Variants in TSNARE1 observed in about 807,000 individuals in gnomAD.
TSNARE1 encodes t-SNARE domain containing 1, also known as t-SNARE domain-containing protein 1.
A neutral mutation model predicts 62.0 loss-of-function variants in TSNARE1; 49 were observed. That is an observed-to-expected ratio of 0.79 (90% confidence interval 0.63 to 1.00). TSNARE1 has a LOEUF of 1.00. TSNARE1 is among the 50% of genes least tolerant of loss of function. TSNARE1 has a pLI of 0.00. For synonymous variants in TSNARE1, 328 were observed against 294.4 expected (o/e 1.11, Z -1.17); for missense variants, 755 against 700.1 (o/e 1.08, Z -0.88).
chr8:142,227,374 A>T (rs1016472715), intron 13 of TSNARE1, among the ~76,000 whole-genome samples: 1 of 94,308 alleles, frequency 1.1e-5, no homozygotes, highest in Non-Finnish European at 2.0e-5. Context: ...GACAGCCAGG[A>T]CCCCCATCCT....
At chr8:142,259,168 G>A (rs367936755) in intron 12 of TSNARE1, among the ~76,000 whole-genome samples, 154 of 152,388 alleles carry the variant, frequency 1.0e-3, no homozygotes, top group African/African-American at 3.6e-3. Context: ...CGTTGTCTGA[G>A]GACGGGGCCG....
intron 12 of TSNARE1, among the ~76,000 whole-genome samples, chr8:142,257,663 G>T (rs1818651267): frequency 6.6e-6 from 1 of 152,082 alleles, no homozygotes; most frequent in Admixed American, 6.5e-5. Context: ...CAACTCCAGG[G>T]GCCTGATAGG....
At chr8:142,379,129 T>C (rs1471333057) in intron 1 of TSNARE1, among the ~76,000 whole-genome samples, 3 of 152,218 alleles carry the variant, frequency 2.0e-5, no homozygotes, top group South Asian at 2.1e-4. Flanking sequence ...AGCTCACACA[T>C]GTCCTCCCAC....
chr8:142,332,041 G>C (rs987658866), intron 4 of TSNARE1, among the ~76,000 whole-genome samples: 1 of 152,234 alleles, frequency 6.6e-6, no homozygotes, highest in Non-Finnish European at 1.5e-5. Context: ...AAGCTGGAAG[G>C]AAGGAGAGAC....
intron 4 of TSNARE1, among the ~76,000 whole-genome samples, chr8:142,334,572 C>CTA (rs1479558071): frequency 6.6e-6 from 1 of 152,086 alleles, no homozygotes; most frequent in African/African-American, 2.4e-5. Flanking sequence ...TTTTATGAAA[C>CTA]TATAAACTCG....
intron 3 of TSNARE1, among the ~76,000 whole-genome samples, chr8:142,345,522 C>G (rs1182230988): frequency 6.6e-6 from 1 of 152,222 alleles, no homozygotes; most frequent in Non-Finnish European, 1.5e-5. Context: ...TTGGCCAGCT[C>G]TGGCCACCAC....
intron 12 of TSNARE1, among the ~76,000 whole-genome samples, chr8:142,254,383 G>A (rs924775451): frequency 5.9e-5 from 9 of 152,162 alleles, no homozygotes. Context: ...CCAGCTCAGA[G>A]GAAGGACCCA....
chr8:142,313,090 CTCT>C (rs1280838765), intron 9 of TSNARE1, among the ~76,000 whole-genome samples: 1 of 150,998 alleles, frequency 6.6e-6, no homozygotes. Context: ...TTATCTGCAT[CTCT>C]TCATGTCTGC....
At chr8:142,307,007 A>G (rs1308359770) in intron 9 of TSNARE1, among the ~76,000 whole-genome samples, 3 of 152,108 alleles carry the variant, frequency 2.0e-5, no homozygotes, top group Admixed American at 2.0e-4. Flanking sequence ...AACTTCTAAC[A>G]CTGTCCACCA....
chr8:142,280,212 G>A (rs1259000246), intron 11 of TSNARE1: 11 of 985,302 alleles, frequency 1.1e-5, no homozygotes, highest in South Asian at 9.4e-5. Context: ...TGGTGCGGGA[G>A]TGGGGGCCCG....
chr8:142,388,992 A>T (rs1257723686), intron 1 of TSNARE1, among the ~76,000 whole-genome samples: 1 of 152,232 alleles, frequency 6.6e-6, no homozygotes, highest in African/African-American at 2.4e-5. Flanking sequence ...AGAACACCTG[A>T]CTCAAAACAT....
intron 10 of TSNARE1, among the ~76,000 whole-genome samples, chr8:142,292,123 G>A (rs771378279): frequency 7.2e-5 from 11 of 152,204 alleles, no homozygotes; most frequent in East Asian, 3.9e-4. Context: ...GAGGCCAAGC[G>A]TGGAGCTCCA....
intron 1 of TSNARE1, among the ~76,000 whole-genome samples, chr8:142,361,157 C>T (rs1003929165): frequency 3.9e-5 from 6 of 152,266 alleles, no homozygotes; most frequent in African/African-American, 1.4e-4. Flanking sequence ...CCCTCACCTT[C>T]GGGCACGCGT....
chr8:142,272,805 G>A lies in TSNARE1; in HGVS notation c.1446+1976C>T, dbSNP rs577513614. The A allele has an allele frequency of 3.4e-5, 33 of 979,764 alleles. No individual in the cohort carries two copies. The African/African-American group carries it at 4.5e-4, about 13-fold the overall frequency. 60.7% of individuals were successfully genotyped at this position (979,764 alleles called of 1,614,324 possible). ...GACACCTGGTCCCTCCTGACACACCGTGGGGAGGGCCCCTCGCAGGCGGGA... is the reference window on the plus strand; with the variant it reads ...GACACCTGGTCCCTCCTGACACACCATGGGGAGGGCCCCTCGCAGGCGGGA... On this transcript the variant is annotated intron_variant, in intron 12 of 13. Coordinates refer to ENST00000524325, the MANE Select transcript of TSNARE1 (RefSeq NM_145003.5).
chr8:142,403,668 T>C (rs1371901403), upstream of TSNARE1: 1 of 152,166 alleles, frequency 6.6e-6, no homozygotes, highest in Admixed American at 6.5e-5. Context: ...GGCCGGGGGC[T>C]GGCAGGCCCC....
At chr8:142,285,743 G>A (rs1247506148) in intron 10 of TSNARE1, among the ~76,000 whole-genome samples, 1 of 152,102 alleles carries the variant, frequency 6.6e-6, no homozygotes, top group African/African-American at 2.4e-5. Flanking sequence ...AGGACTTCGG[G>A]TACCCCTCCA....
intron 12 of TSNARE1, among the ~76,000 whole-genome samples, chr8:142,264,043 T>C (rs1457539542): frequency 6.6e-6 from 1 of 152,214 alleles, no homozygotes; most frequent in Non-Finnish European, 1.5e-5. Context: ...TCAGCTTTCT[T>C]TGGTAGTATA....
intron 5 of TSNARE1, 101 bp downstream of exon 5, chr8:142,331,653 G>C: frequency 2.6e-6 from 3 of 1,169,964 alleles, no homozygotes; most frequent in Non-Finnish European, 3.7e-6. Flanking sequence ...CCGCAGGATG[G>C]CCTGAGGGGG....
At chr8:142,268,541 C>A (rs1563791744) in intron 12 of TSNARE1, among the ~76,000 whole-genome samples, 1 of 152,230 alleles carries the variant, frequency 6.6e-6, no homozygotes, top group Non-Finnish European at 1.5e-5. Context: ...TCTGTCAACG[C>A]CCCAGCTTGG....
Sources: gnomAD v4.1 joint callset for allele counts (sites outside exome capture counted in the v4.1 genomes callset) on GRCh38, gnomAD v4.1.1 for gene constraint, MANE v1.5 for transcripts, NCBI Gene and HGNC (gene_info 2026-07-23, HGNC 2026-07-21) for gene names.